The following STK32B variants were observed in gnomAD, a reference collection of about 807,000 sequenced individuals.
STK32B encodes the protein serine/threonine-protein kinase 32B.
Under a neutral mutation model 52.6 loss-of-function variants are expected in STK32B, and 43 were observed. That is an observed-to-expected ratio of 0.82 (90% confidence interval 0.64 to 1.05). The LOEUF (loss-of-function observed/expected upper bound fraction) is 1.05. Ranked by LOEUF, STK32B falls within the 50% of genes least tolerant of loss-of-function variation. The pLI, the probability that STK32B is intolerant of heterozygous loss-of-function variation, is 0.00. For synonymous variants in STK32B, 238 were observed against 204.3 expected (o/e 1.17, Z -1.41); for missense variants, 621 against 534.6 (o/e 1.16, Z -1.59).
intron 3 of STK32B, among the ~76,000 whole-genome samples, chr4:5,199,504 T>C (rs1002728227): frequency 6.6e-6 from 1 of 152,154 alleles, no homozygotes; most frequent in African/African-American, 2.4e-5. Context: ...TTTTTTTTTT[T>C]TGCATCTCTG....
intron 3 of STK32B, among the ~76,000 whole-genome samples, chr4:5,196,847 A>G (rs1721718203): frequency 6.6e-6 from 1 of 152,224 alleles, no homozygotes; most frequent in African/African-American, 2.4e-5. Flanking sequence ...ATCCAGATCT[A>G]GGTGAGCACA....
the STK32B span, among the ~76,000 whole-genome samples, chr4:5,039,280 C>T: frequency 3.3e-5 from 5 of 152,126 alleles, no homozygotes; most frequent in South Asian, 4.1e-4. Context: ...ATTACAGGCA[C>T]GAGGCACCAC....
intron 2 of STK32B, among the ~76,000 whole-genome samples, chr4:5,146,792 A>G (rs1175108718): frequency 1.3e-5 from 2 of 152,178 alleles, no homozygotes; most frequent in African/African-American, 4.8e-5. Flanking sequence ...GTTGATCCTT[A>G]TGCAAGTACT....
intron 3 of STK32B, among the ~76,000 whole-genome samples, chr4:5,201,074 A>C (rs1722099479): frequency 2.0e-5 from 3 of 152,232 alleles, no homozygotes; most frequent in Admixed American, 2.0e-4. Flanking sequence ...TGCCCCACTC[A>C]GTAGTAAAAC....
At chr4:5,464,112 T>TG (rs1717243079) in intron 9 of STK32B, among the ~76,000 whole-genome samples, 2 of 151,070 alleles carry the variant, frequency 1.3e-5, no homozygotes, top group African/African-American at 4.9e-5. Flanking sequence ...GCAGTGGGGG[T>TG]GGGGGGTGCC....
At chr4:5,197,633 G>A (rs1337712632) in intron 3 of STK32B, among the ~76,000 whole-genome samples, 1 of 152,240 alleles carries the variant, frequency 6.6e-6, no homozygotes, top group Non-Finnish European at 1.5e-5. Flanking sequence ...TAGAAGGCAT[G>A]AATAATTGAA....
chr4:5,036,344 A>G, the STK32B span, among the ~76,000 whole-genome samples: 1 of 152,208 alleles, frequency 6.6e-6, no homozygotes, highest in Non-Finnish European at 1.5e-5. Flanking sequence ...TGCTTCAGTC[A>G]TCACATTTGC....
At chr4:5,448,882 G>A (rs887385449) in intron 7 of STK32B, among the ~76,000 whole-genome samples, 8 of 152,124 alleles carry the variant, frequency 5.3e-5, no homozygotes, top group Non-Finnish European at 7.4e-5. Flanking sequence ...TTTTCATACT[G>A]GAAACCGTTG....
intron 1 of STK32B, among the ~76,000 whole-genome samples, chr4:5,063,586 A>G (rs918487059): frequency 1.3e-5 from 2 of 152,132 alleles, no homozygotes; most frequent in Admixed American, 6.6e-5. Flanking sequence ...CAAGTGATCC[A>G]CCAGCCTTGA....
chr4:5,468,680 G>A (rs1339498288), intron 11 of STK32B, among the ~76,000 whole-genome samples: 1 of 152,192 alleles, frequency 6.6e-6, no homozygotes, highest in East Asian at 1.9e-4. Flanking sequence ...GAGGGGCTAG[G>A]TGGGGTGTGC....
chr4:5,205,704 GTGTGT>G (rs1722522336), intron 3 of STK32B, among the ~76,000 whole-genome samples: 1 of 22,358 alleles, frequency 4.5e-5, no homozygotes, highest in African/African-American at 7.4e-5. Context: ...GCGCGCGCGC[GTGTGT>G]GTGTGTGTGT....
chr4:5,192,702 C>T (rs906396640), intron 3 of STK32B, among the ~76,000 whole-genome samples: 3 of 151,268 alleles, frequency 2.0e-5, no homozygotes, highest in African/African-American at 7.3e-5. Flanking sequence ...CCATCCACCA[C>T]CTCACACAGT....
At position 5,378,731 on chromosome 4, in the gene STK32B, C is replaced by T. The variant is rs1560366430; in HGVS notation, c.435-19476C>T. Among the ~76,000 whole-genome samples the T allele has an allele frequency of 6.6e-6, 1 of 152,056 alleles. No homozygotes were observed. Among genetic ancestry groups the T allele is most frequent in the Admixed American group, 6.5e-5 (1 of 15,278 alleles). ...TGGACTCTGCATTTTAGTCAGCACACCTGCTGCTGGTTGGTGGAAATGTCT... is the reference window on the plus strand; with the variant it reads ...TGGACTCTGCATTTTAGTCAGCACATCTGCTGCTGGTTGGTGGAAATGTCT... On this transcript the variant is annotated intron_variant, in intron 4 of 11. Transcript: ENST00000282908. The surrounding 1 kb of genome is among the most constrained non-coding windows in gnomAD (Gnocchi z 4.4).
the STK32B span, among the ~76,000 whole-genome samples, chr4:5,022,522 C>G: frequency 6.6e-6 from 1 of 152,220 alleles, no homozygotes; most frequent in South Asian, 2.1e-4. Flanking sequence ...CCTTCTGAGG[C>G]TCCTTCAGCA....
intron 1 of STK32B, among the ~76,000 whole-genome samples, chr4:5,071,731 A>G (rs975015952): frequency 1.3e-5 from 2 of 152,196 alleles, no homozygotes; most frequent in African/African-American, 4.8e-5. Flanking sequence ...TGCATTTGAA[A>G]GTGATTTGCA....
intron 5 of STK32B, among the ~76,000 whole-genome samples, chr4:5,406,387 G>T (rs909631847): frequency 3.9e-5 from 6 of 152,100 alleles, no homozygotes; most frequent in Non-Finnish European, 8.8e-5. Flanking sequence ...GTTGGATAAT[G>T]GTGGGCCCTC....
Position 5,148,781 on chromosome 4 carries a change from G to A in STK32B, c.108+8821G>A, listed in dbSNP as rs148760714. On this transcript the variant is annotated intron_variant, in intron 2 of 11. Transcript: ENST00000282908. ...TATTCAGAGCTTCCGTGTCATTGCCGATTTTTAAAATCTAGTTGTTTTATT... is the reference window on the plus strand; with the variant it reads ...TATTCAGAGCTTCCGTGTCATTGCCAATTTTTAAAATCTAGTTGTTTTATT... Among the ~76,000 whole-genome samples, 675 of 151,864 alleles carry A rather than the reference G, an allele frequency of 4.4e-3. 5 individuals carry two copies. The highest frequency in any genetic ancestry group is 0.024 in the Middle Eastern group (7 of 294).
chr4:5,159,774 T>G (rs1047885360), intron 2 of STK32B, among the ~76,000 whole-genome samples: 4 of 143,988 alleles, frequency 2.8e-5, no homozygotes, highest in Non-Finnish European at 6.1e-5. Flanking sequence ...TATATGAATA[T>G]ATGAATGTTT....
intron 5 of STK32B, among the ~76,000 whole-genome samples, chr4:5,408,751 T>A (rs747811660): frequency 4.6e-5 from 7 of 152,080 alleles, no homozygotes; most frequent in Non-Finnish European, 1.0e-4. Context: ...CTAGCCCCTG[T>A]CTTCATGAGG....
Sources: gnomAD v4.1 joint callset for allele counts (sites outside exome capture counted in the v4.1 genomes callset) on GRCh38, gnomAD v4.1.1 for gene constraint, Gnocchi (gnomAD v3.1) non-coding constraint, MANE v1.5 for transcripts, NCBI Gene and HGNC (gene_info 2026-07-23, HGNC 2026-07-21) for gene names.